Variants in DLGAP1 observed in about 807,000 individuals in gnomAD.
DLGAP1 encodes disks large-associated protein 1.
A neutral mutation model predicts 90.8 loss-of-function variants in DLGAP1; 11 were observed. The observed-to-expected ratio is 0.12, with a 90% confidence interval of 0.08 to 0.20. The LOEUF (loss-of-function observed/expected upper bound fraction) is 0.20, where lower values mean the gene tolerates loss of function less well. Ranked by LOEUF, DLGAP1 falls within the 10% of genes least tolerant of loss-of-function variation. The probability of loss-of-function intolerance (pLI) is 1.00; values close to 1 mark genes in which losing one functional copy is unlikely to be tolerated. For synonymous variants in DLGAP1, 558 were observed against 540.7 expected, an observed-to-expected ratio of 1.03 and a Z score of -0.44; for missense variants, 1,050 against 1,333.8, an observed-to-expected ratio of 0.79 and a Z score of 3.31.
At chr18:4,119,856 C>T (rs1490897458) in intron 2 of DLGAP1, among the ~76,000 whole-genome samples, 2 of 152,036 alleles carry the variant, frequency 1.3e-5, no homozygotes, top group African/African-American at 2.4e-5. Context: ...TGAAATGAGA[C>T]ATCATTTGGA....
At chr18:4,196,279 AAC>A (rs1412720743) in intron 1 of DLGAP1, among the ~76,000 whole-genome samples, 3 of 152,172 alleles carry the variant, frequency 2.0e-5, no homozygotes, top group African/African-American at 7.2e-5. Context: ...TAGGTAAGAG[AAC>A]ATAAGGGTGG....
In DLGAP1 at chr18:3,567,533, T is replaced by C; in HGVS notation, c.2014A>G (p.Ser672Gly). Residue 672 changes from serine to glycine, a missense_variant, in exon 9 of 13, where the codon AGT becomes GGT. Physicochemically the swap from Ser to Gly is moderately conservative, Grantham distance 56. Around this residue, in one of 2 missense-constraint regions of DLGAP1, gnomAD observed 565 missense variants for 879.7 expected, o/e 0.64. Transcript: ENST00000315677. ...TGCACTCCCACGGACTGGAACTTAC[T>C]GGGTGCTTTATTCTCCCCTGTTTTG... ...PDKTGENKAPSKFQSVGVQVE... is the reference protein window; with the variant it reads ...PDKTGENKAPGKFQSVGVQVE... The C allele has an allele frequency of 6.2e-7, 1 of 1,614,144 alleles. No homozygotes were observed. The highest frequency in any genetic ancestry group is 8.5e-7 in the Non-Finnish European group (1 of 1,179,990).
chr18:4,092,203 GCTTT>G (rs1231865621), intron 2 of DLGAP1, among the ~76,000 whole-genome samples: 5 of 152,158 alleles, frequency 3.3e-5, no homozygotes, highest in African/African-American at 4.8e-5. Flanking sequence ...TCAGCTTTCT[GCTTT>G]CTTTGAGTGT....
chr18:3,809,564 C>T (rs1209364678), intron 5 of DLGAP1, among the ~76,000 whole-genome samples: 1 of 152,182 alleles, frequency 6.6e-6, no homozygotes, highest in Non-Finnish European at 1.5e-5. Context: ...CTCTGACTGG[C>T]TCTCTTGCAA....
chr18:3,693,604 C>T (rs2147045381), intron 7 of DLGAP1, among the ~76,000 whole-genome samples: 1 of 152,334 alleles, frequency 6.6e-6, no homozygotes, highest in Non-Finnish European at 1.5e-5. Flanking sequence ...AAGAGAAACT[C>T]ACACATCCAG....
intron 2 of DLGAP1, among the ~76,000 whole-genome samples, chr18:4,047,811 T>C (rs984078617): frequency 6.6e-6 from 1 of 152,180 alleles, no homozygotes; most frequent in African/African-American, 2.4e-5. Flanking sequence ...ATTTTTTAGT[T>C]TTTAGAGATG....
intron 1 of DLGAP1, among the ~76,000 whole-genome samples, chr18:4,450,430 G>A (rs529274831): frequency 2.6e-5 from 4 of 152,268 alleles, no homozygotes; most frequent in Admixed American, 6.5e-5. Flanking sequence ...AGCTAAAACC[G>A]TGTCACCAGA....
At chr18:4,292,028 C>A (rs2143055113) in intron 1 of DLGAP1, among the ~76,000 whole-genome samples, 1 of 152,098 alleles carries the variant, frequency 6.6e-6, no homozygotes. Flanking sequence ...CAGTAGATGC[C>A]CAATAACTAT....
In DLGAP1 at chr18:3,711,031, A is replaced by G. The variant is rs1385510302; in HGVS notation, c.1591+18104T>C. Reference sequence around the variant, plus strand: ...CGGGAGTGAGGGCAAGAAGAAGGCCAGTGCGTCTGCAACAGAAGAGTCCAG... The same window carrying G: ...CGGGAGTGAGGGCAAGAAGAAGGCCGGTGCGTCTGCAACAGAAGAGTCCAG... On this transcript the variant is annotated intron_variant, in intron 7 of 12. Coordinates refer to ENST00000315677, the MANE Select transcript of DLGAP1 (RefSeq NM_004746.4). The surrounding 1 kb of genome is among the most constrained non-coding windows in gnomAD (Gnocchi z 4.0). Among the ~76,000 whole-genome samples, 1 of 152,250 alleles carries G rather than the reference A, an allele frequency of 6.6e-6. No homozygotes were observed. The highest frequency in any genetic ancestry group is 2.4e-5 in the African/African-American group (1 of 41,472).
chr18:3,702,145 G>A (rs551545335), intron 7 of DLGAP1, among the ~76,000 whole-genome samples: 47 of 152,166 alleles, frequency 3.1e-4, no homozygotes, highest in African/African-American at 9.9e-4. Flanking sequence ...TTTGCCTCCC[G>A]GGTTCAAGCG....
chr18:3,813,258 C>T (rs1163794427), intron 5 of DLGAP1, among the ~76,000 whole-genome samples: 2 of 152,266 alleles, frequency 1.3e-5, no homozygotes, highest in Non-Finnish European at 2.9e-5. Context: ...GATATATTTA[C>T]ATAAACAAAT....
intron 3 of DLGAP1, among the ~76,000 whole-genome samples, chr18:3,988,988 G>C (rs1029195465): frequency 6.6e-6 from 1 of 152,172 alleles, no homozygotes; most frequent in Admixed American, 6.5e-5. Flanking sequence ...TCCTTTTCCA[G>C]AACATGAGGT....
rs764944185 is a variant in DLGAP1 at position 3,805,742 on chromosome 18, T to C, written c.1172+8317A>G. Among the ~76,000 whole-genome samples, 52 of 152,266 alleles carry C rather than the reference T, an allele frequency of 3.4e-4. 1 individual carries two copies. Among genetic ancestry groups the C allele is most frequent in the Non-Finnish European group, 5.7e-4 (39 of 68,048 alleles). ...CTCTTTAGGCTGTAAAGATCTTATATAGATATTTTGTCTGTCTTGCTCAGG... is the reference window on the plus strand; with the variant it reads ...CTCTTTAGGCTGTAAAGATCTTATACAGATATTTTGTCTGTCTTGCTCAGG... On this transcript the variant is annotated intron_variant, in intron 5 of 12. Coordinates refer to ENST00000315677, the MANE Select transcript of DLGAP1 (RefSeq NM_004746.4).
chr18:4,253,067 T>C (rs1296055542), intron 1 of DLGAP1, among the ~76,000 whole-genome samples: 2 of 152,194 alleles, frequency 1.3e-5, no homozygotes, highest in African/African-American at 4.8e-5. Flanking sequence ...GTATGCGGTG[T>C]TACGTAGCTG....
In DLGAP1 at chr18:3,775,558, C is replaced by T. The variant is rs1188778005; in HGVS notation, c.1173-33046G>A. 6.6e-6 allele frequency among the ~76,000 whole-genome samples: 1 copy of T among 152,204 alleles called. No homozygotes were observed. Among genetic ancestry groups the T allele is most frequent in the East Asian group, 1.9e-4 (1 of 5,200 alleles). ...CACGCTTCCTGTACAGCCTGTGAAACCCTAAGCCAATTAAGCCTCTTTTCT... is the reference window on the plus strand; with the variant it reads ...CACGCTTCCTGTACAGCCTGTGAAATCCTAAGCCAATTAAGCCTCTTTTCT... On this transcript the variant is annotated intron_variant, in intron 5 of 12. Coordinates refer to ENST00000315677, the MANE Select transcript of DLGAP1 (RefSeq NM_004746.4). This position sits in a 1 kb window ranked among gnomAD's most constrained non-coding sequence, Gnocchi z 4.9.
At chr18:4,105,846 C>T (rs561124062) in intron 2 of DLGAP1, among the ~76,000 whole-genome samples, 20 of 151,384 alleles carry the variant, frequency 1.3e-4, no homozygotes, top group Middle Eastern at 3.4e-3. Flanking sequence ...CTGGCTAACA[C>T]GGTGAAACCC....
chr18:4,333,629 T>G (rs1247423074), intron 1 of DLGAP1, among the ~76,000 whole-genome samples: 1 of 149,954 alleles, frequency 6.7e-6, no homozygotes, highest in Non-Finnish European at 1.5e-5. Flanking sequence ...TATAATTTTT[T>G]TTTTTTTTGA....
chr18:3,957,652 T>G (rs1420467948), intron 3 of DLGAP1, among the ~76,000 whole-genome samples: 3 of 152,248 alleles, frequency 2.0e-5, no homozygotes, highest in African/African-American at 7.2e-5. Context: ...GCTTCAAGAT[T>G]ATTTTATTAC....
intron 1 of DLGAP1, among the ~76,000 whole-genome samples, chr18:4,419,967 T>A (rs1423966032): frequency 2.0e-5 from 3 of 152,064 alleles, no homozygotes; most frequent in African/African-American, 7.2e-5. Flanking sequence ...ACAGGTCAAA[T>A]AGATACAGAC....
Sources: gnomAD v4.1 joint callset for allele counts (sites outside exome capture counted in the v4.1 genomes callset) on GRCh38, gnomAD v4.1.1 for gene constraint, gnomAD v4.1.1 regional missense constraint, Gnocchi (gnomAD v3.1) non-coding constraint, MANE v1.5 for transcripts, NCBI Gene and HGNC (gene_info 2026-07-23, HGNC 2026-07-21) for gene names.